The following SYT14 variants were observed in gnomAD, a reference collection of about 807,000 sequenced individuals.
The protein encoded by SYT14 is synaptotagmin 14.
Under a neutral mutation model 74.2 loss-of-function variants are expected in SYT14, and 32 were observed. The observed-to-expected ratio is 0.43, with a 90% CI of 0.33 to 0.58. The LOEUF (loss-of-function observed/expected upper bound fraction) is 0.58, where lower values mean the gene tolerates loss of function less well. Ranked by LOEUF, SYT14 falls within the 20% of genes least tolerant of loss-of-function variation. The pLI, the probability that SYT14 is intolerant of heterozygous loss-of-function variation, is 0.05. For missense variants in SYT14, 791 were observed against 981.8 expected, an observed-to-expected ratio of 0.81 and a Z score of 2.60; for synonymous variants, 298 against 337.7, an observed-to-expected ratio of 0.88 and a Z score of 1.29.
At position 210,148,487 on chromosome 1, in the gene SYT14, C is replaced by T. The variant is rs147203075; in HGVS notation, c.2035-7234C>T. Among the ~76,000 whole-genome samples the T allele has an allele frequency of 2.4e-3, 341 of 142,680 alleles. 10 individuals carry two copies. In the East Asian group the frequency reaches 0.056, roughly 23 times the overall value. The allele number at this position is 142,680 out of a possible 152,430, so 93.6% of individuals were successfully genotyped here. ...TCGCGCCACTGCACTCCAGCCTGGG[C>T]GACAGAGCAAAACTCCGTCTCAAAA... On this transcript the variant is annotated intron_variant, in intron 7 of 9. Coordinates refer to ENST00000637265, the Ensembl canonical transcript of SYT14.
At chr1:210,070,684 C>T (rs2081375914) in intron 5 of SYT14, among the ~76,000 whole-genome samples, 1 of 152,174 alleles carries the variant, frequency 6.6e-6, no homozygotes, top group Non-Finnish European at 1.5e-5. Flanking sequence ...CTGGGAAAGA[C>T]AGGTACACTT....
At chr1:210,100,158 C>T in exon 7 of SYT14, 2 of 1,614,032 alleles carry the variant, frequency 1.2e-6, no homozygotes, top group Non-Finnish European at 1.7e-6. Flanking sequence ...TCACAGACAT[C>T]CCAACATATA....
In SYT14 at chr1:209,966,127, C is replaced by T. The variant is rs1030993215; in HGVS notation, c.-486+13371C>T. The T allele has an allele frequency of 1.1e-4, 38 of 341,150 alleles. 1 individual carries two copies. Among genetic ancestry groups the T allele is most frequent in the South Asian group, 6.4e-4 (28 of 43,484 alleles). 21.1% of individuals were successfully genotyped at this position (341,150 alleles called of 1,614,324 possible). A position where few individuals can be genotyped will look rare whatever the true frequency, so the allele number is the denominator to read the frequency against. ...TCTCATGATCTGCCTGCCTCAACCT[C>T]GCAAAGTGCTGAGGTTACAGGCATG... On this transcript the variant is annotated intron_variant, in intron 2 of 9. Coordinates refer to ENST00000637265, the Ensembl canonical transcript of SYT14.
At chr1:210,056,062 C>G (rs2081090522) in intron 5 of SYT14, among the ~76,000 whole-genome samples, 1 of 152,240 alleles carries the variant, frequency 6.6e-6, no homozygotes. Flanking sequence ...TAGAGGCAAA[C>G]TTTATTTTAT....
chr1:209,950,074 TGTTACA>T (rs145998944), intron 1 of SYT14, among the ~76,000 whole-genome samples: 18,041 of 152,130 alleles, frequency 0.12, 1,413 homozygotes, highest in South Asian at 0.21. Context: ...AAAATAATGC[TGTTACA>T]GTTAAGATTA....
intron 2 of SYT14, among the ~76,000 whole-genome samples, chr1:209,957,959 C>CT (rs1375944615): frequency 2.6e-5 from 4 of 151,944 alleles, no homozygotes; most frequent in Non-Finnish European, 5.9e-5. Context: ...TTCTTTCTCT[C>CT]TGTCTTTCTA....
chr1:210,048,914 C>T (rs528091601), intron 5 of SYT14, among the ~76,000 whole-genome samples: 1 of 152,328 alleles, frequency 6.6e-6, no homozygotes, highest in East Asian at 1.9e-4. Context: ...TTCACCAAAA[C>T]AAAGGGGCTA....
intron 5 of SYT14, among the ~76,000 whole-genome samples, chr1:210,053,707 A>C (rs2102388256): frequency 6.6e-6 from 1 of 152,236 alleles, no homozygotes; most frequent in South Asian, 2.1e-4. Flanking sequence ...TACATGTTCA[A>C]CTTCTGGTAC....
At chr1:209,981,434 T>G (rs2079482176) in intron 2 of SYT14, among the ~76,000 whole-genome samples, 1 of 142,212 alleles carries the variant, frequency 7.0e-6, no homozygotes, top group African/African-American at 2.5e-5. Flanking sequence ...TTTCTTTTTC[T>G]TTTTCTTTTT....
intron 7 of SYT14, among the ~76,000 whole-genome samples, chr1:210,136,919 AATC>A (rs1290342818): frequency 1.3e-5 from 2 of 152,032 alleles, no homozygotes; most frequent in African/African-American, 4.8e-5. Flanking sequence ...GGTACAGGGG[AATC>A]TGTGAGCCAG....
intron 1 of SYT14, among the ~76,000 whole-genome samples, chr1:209,944,259 ATACT>A (rs1220082731): frequency 1.3e-5 from 2 of 152,226 alleles, no homozygotes; most frequent in African/African-American, 4.8e-5. Flanking sequence ...TTGTGAGCAC[ATACT>A]TAAGGTTTTA....
intron 8 of SYT14, among the ~76,000 whole-genome samples, chr1:210,156,180 A>G (rs966801465): frequency 2.0e-5 from 3 of 152,214 alleles, no homozygotes; most frequent in Admixed American, 6.5e-5. Context: ...TTTTAATGCC[A>G]GAAAAGGTTA....
chr1:210,048,966 C>T (rs1290170747), intron 5 of SYT14, among the ~76,000 whole-genome samples: 1 of 152,232 alleles, frequency 6.6e-6, no homozygotes, highest in Non-Finnish European at 1.5e-5. Flanking sequence ...GCAGTCAAAT[C>T]TTAAAGCTCC....
At chr1:210,024,566 T>G (rs1166805510) in intron 5 of SYT14, among the ~76,000 whole-genome samples, 1 of 142,754 alleles carries the variant, frequency 7.0e-6, no homozygotes, top group Non-Finnish European at 1.6e-5. Context: ...AGAGATATAA[T>G]AAGTGATTTT....
chr1:210,150,474 C>T (rs143937955), intron 7 of SYT14, among the ~76,000 whole-genome samples: 47 of 152,262 alleles, frequency 3.1e-4, no homozygotes, highest in African/African-American at 1.1e-3. Context: ...CCTGAAATTG[C>T]CTCTGGTGAT....
chr1:210,103,893 G>A (rs1468437398), intron 7 of SYT14, among the ~76,000 whole-genome samples: 2 of 152,166 alleles, frequency 1.3e-5, no homozygotes, highest in African/African-American at 4.8e-5. Context: ...CATGTATTAT[G>A]TTTTCTCTTC....
At chr1:210,045,848 T>G (rs2080874482) in intron 5 of SYT14, among the ~76,000 whole-genome samples, 1 of 152,318 alleles carries the variant, frequency 6.6e-6, no homozygotes, top group African/African-American at 2.4e-5. Flanking sequence ...CTTCTAAATC[T>G]TCAGGAAATT....
At chr1:210,055,009 A>G (rs1037426498) in intron 5 of SYT14, among the ~76,000 whole-genome samples, 4 of 151,896 alleles carry the variant, frequency 2.6e-5, no homozygotes, top group Non-Finnish European at 4.4e-5. Context: ...TCATCTGCCT[A>G]CTCTTGTTTT....
intron 2 of SYT14, among the ~76,000 whole-genome samples, chr1:209,981,488 G>A (rs1308181455): frequency 9.8e-6 from 1 of 101,656 alleles, no homozygotes; most frequent in African/African-American, 3.9e-5. Flanking sequence ...ATCTCACTCT[G>A]TTGCCCAAGC....
Sources: gnomAD v4.1 joint callset for allele counts (sites outside exome capture counted in the v4.1 genomes callset) on GRCh38, gnomAD v4.1.1 for gene constraint, MANE v1.5 for transcripts, NCBI Gene and HGNC (gene_info 2026-07-23, HGNC 2026-07-21) for gene names.